The following TGM2 variants were observed in gnomAD, a reference collection of about 807,000 sequenced individuals.
The protein encoded by TGM2 is transglutaminase 2, also known as protein-glutamine gamma-glutamyltransferase 2.
A neutral mutation model predicts 75.6 loss-of-function variants in TGM2; 53 were observed. The ratio of observed to expected loss-of-function variants is 0.70; its 90% CI spans 0.56 to 0.88. TGM2 has a LOEUF of 0.88. TGM2 is among the 40% of genes least tolerant of loss of function. TGM2 has a pLI of 0.00. For synonymous variants in TGM2, 374 were observed against 381.1 expected (o/e 0.98, Z 0.22); for missense variants, 842 against 928.5 (o/e 0.91, Z 1.21).
At chr20:38,134,620 T>G (rs1462071527) in intron 10 of TGM2, among the ~76,000 whole-genome samples, 2 of 152,124 alleles carry the variant, frequency 1.3e-5, no homozygotes, top group Non-Finnish European at 2.9e-5. Flanking sequence ...ATTTGCCCTG[T>G]TCTAGAAGGT....
intron 6 of TGM2, chr20:38,145,626 T>C (rs2075034579): frequency 6.6e-6 from 1 of 152,190 alleles, no homozygotes; most frequent in South Asian, 2.1e-4. Context: ...ATAAAGGTAC[T>C]ACCGTTGTGC....
In TGM2 at chr20:38,162,099, A is replaced by T. The variant is rs144615448; in HGVS notation, c.11-500T>A. 4.6e-5 allele frequency among the ~76,000 whole-genome samples: 7 copies of T among 152,338 alleles called. No homozygotes were observed. The East Asian group carries it at 1.3e-3, about 29-fold the overall frequency. ...ACCTACCAAAGTGCAGGTGCGAGCC[A>T]CAGTGCCCAGCTTTGCCTAAATCTT... On this transcript the variant is annotated intron_variant, in intron 1 of 12. Coordinates refer to ENST00000361475, the MANE Select transcript of TGM2 (RefSeq NM_004613.4).
At chr20:38,146,609 T>C (rs1274010655) in intron 6 of TGM2, 108 bp downstream of exon 6, 4 of 1,312,660 alleles carry the variant, frequency 3.0e-6, no homozygotes, top group Admixed American at 1.8e-5. Context: ...GCATTGAGAG[T>C]GTTGGTGGCA....
chr20:38,158,168 G>A (rs45511292), intron 2 of TGM2, among the ~76,000 whole-genome samples: 2,504 of 152,360 alleles, frequency 0.016, 70 homozygotes, highest in African/African-American at 0.057. Flanking sequence ...CACTGTCGCT[G>A]TTGACATGTC....
At position 38,127,914 on chromosome 20, in the gene TGM2, C is replaced by T. The variant is rs1279120032; in HGVS notation, c.*2305G>A. On this transcript the variant is annotated 3_prime_UTR_variant, in exon 13 of 13. Coordinates refer to ENST00000361475, the MANE Select transcript of TGM2 (RefSeq NM_004613.4). ...GTCTTGTGGGAGTTGAGTTAGGAAA[C>T]ATTCATTTACCAATTCAGCATTTAT... The T allele has an allele frequency of 6.6e-6, 1 of 152,072 alleles. No individual in the cohort carries two copies. Among genetic ancestry groups the T allele is most frequent in the East Asian group, 1.9e-4 (1 of 5,198 alleles). 9.4% of individuals were successfully genotyped at this position (152,072 alleles called of 1,614,324 possible).
At chr20:38,137,300 C>T (rs1415244744) in intron 10 of TGM2, among the ~76,000 whole-genome samples, 1 of 152,144 alleles carries the variant, frequency 6.6e-6, no homozygotes, top group African/African-American at 2.4e-5. Flanking sequence ...GCCTGGCCAA[C>T]ATGGTGAAAT....
Position 38,147,961 on chromosome 20 carries a change from CA to C in TGM2, c.680del (p.Met227ArgfsTer62). 1 of 1,609,924 alleles carries C rather than the reference CA, an allele frequency of 6.2e-7. No individual in the cohort carries two copies. Among genetic ancestry groups the C allele is most frequent in the Non-Finnish European group, 8.5e-7 (1 of 1,178,856 alleles). On this transcript the variant is annotated frameshift_variant and splice_region_variant, in exon 5 of 13. Transcript: ENST00000361475. LOFTEE classifies it high-confidence loss of function. ...TGGATGGGCCATGCCACTCACTCAC[CA>C]TGCCACTCACCACCCGGCCCACGTA... is the stretch of plus-strand genomic sequence containing the variant. ...PVYVGRVVSG[M>X]VNCNDDQGVL...
chr20:38,161,344 G>C, intron 2 of TGM2, 76 bp downstream of exon 2: 1 of 1,562,072 alleles, frequency 6.4e-7, no homozygotes, highest in Non-Finnish European at 8.8e-7. Context: ...TCTCTGTCAG[G>C]GTTCTGGGGC....
intron 2 of TGM2, among the ~76,000 whole-genome samples, chr20:38,160,848 T>C (rs1188911242): frequency 1.3e-5 from 2 of 152,216 alleles, no homozygotes; most frequent in African/African-American, 4.8e-5. Flanking sequence ...CTTTTTTCTT[T>C]TAAGGTGGTG....
At chr20:38,155,767 TC>T in intron 3 of TGM2, 79 bp downstream of exon 3, 1 of 1,517,062 alleles carries the variant, frequency 6.6e-7, no homozygotes, top group Non-Finnish European at 8.8e-7. Context: ...CCCCTGTTCT[TC>T]TCACCTCCAG....
chr20:38,130,400 G>A, intron 12 of TGM2, 31 bp from the exon 13 acceptor site: 1 of 1,566,360 alleles, frequency 6.4e-7, no homozygotes, highest in Non-Finnish European at 8.7e-7. Context: ...GTGAGGAAAG[G>A]GGCCCAAGGC....
intron 2 of TGM2, among the ~76,000 whole-genome samples, chr20:38,159,955 G>C (rs888268939): frequency 6.6e-6 from 1 of 152,140 alleles, no homozygotes; most frequent in Non-Finnish European, 1.5e-5. Context: ...TTTTCACTTC[G>C]TAAAGGGGGA....
At position 38,161,507 on chromosome 20, in the gene TGM2, G is replaced by C. The variant is rs771987793; in HGVS notation, c.103C>G (p.Arg35Gly). 2 of 1,614,154 alleles carry C rather than the reference G, an allele frequency of 1.2e-6. No individual in the cohort carries two copies. The highest frequency in any genetic ancestry group is 1.7e-6 in the Non-Finnish European group (2 of 1,180,022). ...DLCREKLVVR[R>G]GQPFWLTLHF... ...AGGGTCAGCCAGAAGGGCTGGCCCC[G>C]TCGCACCACCAGCTTCTCCCGGCAC... Residue 35 changes from arginine to glycine, a missense_variant, in exon 2 of 13, where the codon CGG becomes GGG. Coordinates refer to ENST00000361475, the MANE Select transcript of TGM2 (RefSeq NM_004613.4).
At chr20:38,165,428 G>C, upstream of TGM2, 1 of 613,052 alleles carries the variant, frequency 1.6e-6, no homozygotes, top group Non-Finnish European at 2.8e-6. Context: ...GCCCGAGGGA[G>C]GGACGGCGGC....
chr20:38,138,159 C>T lies in TGM2; in HGVS notation c.1569G>A (p.Glu523=), dbSNP rs1300750997. 2 of 1,603,782 alleles carry T rather than the reference C, an allele frequency of 1.2e-6. No homozygotes were observed. The highest frequency in any genetic ancestry group is 1.7e-6 in the Non-Finnish European group (2 of 1,175,230). ...TVSYNGILGP[E]CGTKYLLNLN... ...GGTTGAGCAGGTACTTGGTGCCACACTCGGGCCCCAAGATCCCATTGTAGC... is the reference window on the plus strand; with the variant it reads ...GGTTGAGCAGGTACTTGGTGCCACATTCGGGCCCCAAGATCCCATTGTAGC... The change falls in exon 10 of 13, where the codon GAG becomes GAA. Residue 523 remains glutamate (E), a synonymous_variant. Transcript: ENST00000361475.
intron 12 of TGM2, among the ~76,000 whole-genome samples, 182 bp downstream of exon 12, chr20:38,130,911 G>A (rs1421167592): frequency 3.3e-5 from 5 of 152,184 alleles, no homozygotes; most frequent in Non-Finnish European, 5.9e-5. Context: ...GGTGGTGTCA[G>A]CATTGACAGA....
chr20:38,162,192 G>C (rs1387957470), intron 1 of TGM2, among the ~76,000 whole-genome samples: 1 of 152,196 alleles, frequency 6.6e-6, no homozygotes, highest in Non-Finnish European at 1.5e-5. Context: ...CATGGGACCA[G>C]CAGTATCTAC....
chr20:38,130,914 T>C (rs964845985), intron 12 of TGM2, among the ~76,000 whole-genome samples, 179 bp downstream of exon 12: 2 of 152,092 alleles, frequency 1.3e-5, no homozygotes, highest in Non-Finnish European at 2.9e-5. Context: ...GGTGTCAGCA[T>C]TGACAGAGAA....
At chr20:38,160,463 A>G (rs2122968810) in intron 2 of TGM2, among the ~76,000 whole-genome samples, 1 of 152,302 alleles carries the variant, frequency 6.6e-6, no homozygotes, top group South Asian at 2.1e-4. Flanking sequence ...AGCTGCAAAT[A>G]TCTGCAGGCC....
Sources: gnomAD v4.1 joint callset for allele counts (sites outside exome capture counted in the v4.1 genomes callset) on GRCh38, gnomAD v4.1.1 for gene constraint, MANE v1.5 for transcripts, NCBI Gene and HGNC (gene_info 2026-07-23, HGNC 2026-07-21) for gene names.